RASAL2: variants seen among roughly 807,000 people sequenced by gnomAD.
RASAL2 encodes the protein ras GTPase-activating protein nGAP.
In RASAL2, 58 loss-of-function variants were observed where a neutral mutation model predicts 128.9. The ratio of observed to expected loss-of-function variants is 0.45; its 90% CI spans 0.36 to 0.56. The LOEUF is 0.56. Among genes scored for constraint, RASAL2 ranks in the 20% least tolerant of loss-of-function variants. The probability of loss-of-function intolerance (pLI) is 0.00; values close to 1 mark genes in which losing one functional copy is unlikely to be tolerated. For missense variants in RASAL2, 1,360 were observed against 1,601.6 expected (o/e 0.85, Z 2.57); for synonymous variants, 561 against 580.8 (o/e 0.97, Z 0.49).
intron 1 of RASAL2, among the ~76,000 whole-genome samples, chr1:178,133,713 G>C (rs537600125): frequency 1.3e-5 from 2 of 152,274 alleles, no homozygotes; most frequent in South Asian, 4.1e-4. Flanking sequence ...ATATAAAAGA[G>C]AGAGTAGAGG....
intron 9 of RASAL2, 143 bp from the exon 10 acceptor site, chr1:178,451,428 C>A: frequency 1.2e-6 from 1 of 805,424 alleles, no homozygotes; most frequent in Non-Finnish European, 1.9e-6. Context: ...AATGAGGCTT[C>A]ATGGGCCATC....
chr1:178,113,511 AGTGTGTGTGTGTGTGTGTGTGT>A (rs61642582), intron 1 of RASAL2, among the ~76,000 whole-genome samples: 41 of 122,264 alleles, frequency 3.4e-4, no homozygotes, highest in South Asian at 1.3e-3. Flanking sequence ...CATGCCTGCG[AGTGTGTGTGTGTGTGTGTGTGT>A]GTGTGTGTGT....
intron 1 of RASAL2, among the ~76,000 whole-genome samples, chr1:178,263,679 C>G (rs1357614923): frequency 6.6e-6 from 1 of 152,072 alleles, no homozygotes; most frequent in African/African-American, 2.4e-5. Flanking sequence ...CTGAGCCTCC[C>G]TTTGCCAAAC....
At chr1:178,113,529 TGTG>T (rs1659416006) in intron 1 of RASAL2, among the ~76,000 whole-genome samples, 1 of 148,308 alleles carries the variant, frequency 6.7e-6, no homozygotes, top group Non-Finnish European at 1.5e-5. Flanking sequence ...TGTGTGTGTG[TGTG>T]TGTGTGTGTG....
At chr1:178,185,351 T>C (rs1340751881) in intron 1 of RASAL2, among the ~76,000 whole-genome samples, 1 of 152,022 alleles carries the variant, frequency 6.6e-6, no homozygotes, top group Non-Finnish European at 1.5e-5. Flanking sequence ...TATGGTAGGA[T>C]GCTGAAGAGG....
intron 3 of RASAL2, among the ~76,000 whole-genome samples, chr1:178,339,448 T>G (rs1052960481): frequency 1.3e-5 from 2 of 152,202 alleles, no homozygotes; most frequent in African/African-American, 4.8e-5. Context: ...TCCAAGAAGC[T>G]GGAGAAGCAC....
At chr1:178,206,274 T>C (rs889592319) in intron 1 of RASAL2, among the ~76,000 whole-genome samples, 1 of 152,166 alleles carries the variant, frequency 6.6e-6, no homozygotes, top group African/African-American at 2.4e-5. Context: ...ATGGCTAAAG[T>C]ATATTCCTTT....
At chr1:178,405,369 G>A (rs1029437834) in intron 4 of RASAL2, among the ~76,000 whole-genome samples, 6 of 152,198 alleles carry the variant, frequency 3.9e-5, no homozygotes, top group African/African-American at 9.6e-5. Context: ...CATCTCCCAA[G>A]ATGTCCACAT....
At chr1:178,164,081 T>G (rs1418571253) in intron 1 of RASAL2, among the ~76,000 whole-genome samples, 1 of 152,196 alleles carries the variant, frequency 6.6e-6, no homozygotes, top group Admixed American at 6.5e-5. Flanking sequence ...GGAATCTGGA[T>G]GAAGAGTATA....
chr1:178,299,396 G>A (rs1261063033), intron 2 of RASAL2, among the ~76,000 whole-genome samples: 1 of 152,128 alleles, frequency 6.6e-6, no homozygotes, highest in Non-Finnish European at 1.5e-5. Flanking sequence ...TTGTGTGGGT[G>A]TTTTGTTTTC....
chr1:178,133,820 C>T (rs1264120115), intron 1 of RASAL2, among the ~76,000 whole-genome samples: 5 of 152,088 alleles, frequency 3.3e-5, no homozygotes, highest in South Asian at 2.1e-4. Context: ...CTAAAGGGCA[C>T]CTCATTTATT....
At chr1:178,242,567 G>C (rs2102056884) in intron 1 of RASAL2, among the ~76,000 whole-genome samples, 1 of 150,080 alleles carries the variant, frequency 6.7e-6, no homozygotes, top group African/African-American at 2.4e-5. Flanking sequence ...TGCTGTGATG[G>C]GATTATAAGT....
At chr1:178,390,255 T>G (rs1301614831) in intron 4 of RASAL2, 49 bp downstream of exon 4, 1 of 1,417,982 alleles carries the variant, frequency 7.1e-7, no homozygotes, top group Non-Finnish European at 9.8e-7. Flanking sequence ...CCTTTTCTCC[T>G]TTCTTCTTAG....
intron 3 of RASAL2, among the ~76,000 whole-genome samples, chr1:178,343,270 C>T (rs1223821351): frequency 2.0e-5 from 3 of 152,184 alleles, no homozygotes; most frequent in Non-Finnish European, 4.4e-5. Context: ...CATTACTCCT[C>T]TCGGCTATAT....
chr1:178,259,842 G>A (rs1665576576), intron 1 of RASAL2, among the ~76,000 whole-genome samples: 1 of 152,018 alleles, frequency 6.6e-6, no homozygotes, highest in South Asian at 2.1e-4. Context: ...GAGATTACGG[G>A]GATGGGTCAC....
chr1:178,380,356 A>G (rs1672216426), intron 3 of RASAL2, among the ~76,000 whole-genome samples: 1 of 152,206 alleles, frequency 6.6e-6, no homozygotes, highest in African/African-American at 2.4e-5. Context: ...AAAAAATAAC[A>G]ATTTAATATA....
intron 4 of RASAL2, among the ~76,000 whole-genome samples, chr1:178,420,243 T>C (rs1345963899): frequency 2.0e-5 from 3 of 152,230 alleles, no homozygotes; most frequent in Non-Finnish European, 4.4e-5. Context: ...TTAGAAGTTT[T>C]TCTTCCATAA....
chr1:178,137,687 A>G (rs1571529809), intron 1 of RASAL2, among the ~76,000 whole-genome samples: 1 of 152,210 alleles, frequency 6.6e-6, no homozygotes, highest in South Asian at 2.1e-4. Context: ...TCACAGAATG[A>G]AAAATTTTGT....
Position 178,473,324 on chromosome 1 carries a change from G to A in RASAL2, c.*85G>A. 1 of 1,503,526 alleles carries A rather than the reference G, an allele frequency of 6.7e-7. No homozygotes were observed. Among genetic ancestry groups the A allele is most frequent in the African/African-American group, 1.4e-5 (1 of 72,196 alleles). The allele number at this position is 1,503,526 out of a possible 1,614,324, so 93.1% of individuals were successfully genotyped here. A position where few individuals can be genotyped will look rare whatever the true frequency, so the allele number is the denominator to read the frequency against. On this transcript the variant is annotated 3_prime_UTR_variant, in exon 18 of 18. Transcript: ENST00000367649. ...TTTACCTAGCCCCTCCAGGTTTACA[G>A]AATGTTGCTACTTCACAATGGCGAT...
Sources: allele counts gnomAD v4.1 joint callset (sites outside exome capture counted in the v4.1 genomes callset), GRCh38; gene constraint gnomAD v4.1.1; transcripts MANE v1.5; gene names NCBI Gene and HGNC (gene_info 2026-07-23, HGNC 2026-07-21).